The following FHIT variants were observed in gnomAD, a reference collection of about 807,000 sequenced individuals.
The protein encoded by FHIT is bis(5'-adenosyl)-triphosphatase.
Under a neutral mutation model 17.9 loss-of-function variants are expected in FHIT, and 19 were observed. The ratio of observed to expected loss-of-function variants is 1.06; its 90% CI spans 0.74 to 1.56. The LOEUF (loss-of-function observed/expected upper bound fraction) is 1.56. Ranked by LOEUF, FHIT falls within the 40% of genes most tolerant of loss-of-function variation. The pLI is 0.00. For missense variants in FHIT, 248 were observed against 189.2 expected (o/e 1.31, Z -1.82); for synonymous variants, 81 against 69.7 (o/e 1.16, Z -0.81).
At chr3:61,037,133 G>C (rs759223785) in intron 3 of FHIT, among the ~76,000 whole-genome samples, 7 of 151,988 alleles carry the variant, frequency 4.6e-5, no homozygotes, top group Non-Finnish European at 8.8e-5. Flanking sequence ...GGATGGTCTC[G>C]ATCTCCTGAC....
chr3:60,761,717 G>A (rs1418933013), intron 4 of FHIT, among the ~76,000 whole-genome samples: 1 of 150,026 alleles, frequency 6.7e-6, no homozygotes, highest in Non-Finnish European at 1.5e-5. Context: ...CAATGATAGT[G>A]AGACAGACTG....
intron 5 of FHIT, among the ~76,000 whole-genome samples, chr3:60,441,949 C>G (rs1485042105): frequency 6.7e-6 from 1 of 149,524 alleles, no homozygotes; most frequent in Non-Finnish European, 1.5e-5. Context: ...GCCTCAAACT[C>G]CTGGGCTCAA....
chr3:60,454,353 C>T (rs938669160), intron 5 of FHIT, among the ~76,000 whole-genome samples: 2 of 151,902 alleles, frequency 1.3e-5, no homozygotes, highest in Non-Finnish European at 2.9e-5. Context: ...ACAAATCCCA[C>T]AGCACCAAAA....
At chr3:60,130,112 C>G (rs1699473002) in intron 5 of FHIT, among the ~76,000 whole-genome samples, 1 of 152,004 alleles carries the variant, frequency 6.6e-6, no homozygotes, top group South Asian at 2.1e-4. Context: ...ATCAATTCTA[C>G]CGGAAAAAAG....
chr3:60,441,702 T>TTATA (rs10575692), intron 5 of FHIT, among the ~76,000 whole-genome samples: 1 of 82,960 alleles, frequency 1.2e-5, no homozygotes, highest in African/African-American at 3.9e-5. Flanking sequence ...CTGTAGGTAT[T>TTATA]TATATATATA....
chr3:61,068,348 T>C (rs2034685790), intron 2 of FHIT, among the ~76,000 whole-genome samples: 1 of 152,214 alleles, frequency 6.6e-6, no homozygotes, highest in East Asian at 1.9e-4. Context: ...AAGATCATTC[T>C]GAATTTCTAA....
At chr3:60,896,059 A>G (rs1705806005) in intron 3 of FHIT, among the ~76,000 whole-genome samples, 1 of 152,068 alleles carries the variant, frequency 6.6e-6, no homozygotes, top group Admixed American at 6.6e-5. Context: ...GGTCAGCTGC[A>G]TTAGATTCTC....
chr3:61,073,567 C>G (rs1394306408), intron 2 of FHIT, among the ~76,000 whole-genome samples: 1 of 152,102 alleles, frequency 6.6e-6, no homozygotes, highest in East Asian at 1.9e-4. Flanking sequence ...GGTCTAAGGT[C>G]TAAAAAATAT....
intron 5 of FHIT, among the ~76,000 whole-genome samples, chr3:60,402,626 C>G (rs896816895): frequency 6.6e-6 from 1 of 152,126 alleles, no homozygotes; most frequent in Non-Finnish European, 1.5e-5. Context: ...CTGACAGACA[C>G]CTGTTTGCAA....
rs1559698562 is a variant in FHIT at position 60,173,907 on chromosome 3, A to ATT, written c.104-159756_104-159755insAA. ...CTAATATATATATATATATATATAT[A>ATT]TATATATATGTTTTTTTTTTTTTTT... On this transcript the variant is annotated intron_variant, in intron 5 of 9. Coordinates refer to ENST00000492590, the MANE Select transcript of FHIT (RefSeq NM_002012.4). Among the ~76,000 whole-genome samples the ATT allele has an allele frequency of 1.1e-4, 8 of 73,354 alleles. 1 individual carries two copies. The highest frequency in any genetic ancestry group is 1.7e-4 in the Non-Finnish European group (7 of 40,022). The allele number at this position is 73,354 out of a possible 152,430, so 48.1% of individuals were successfully genotyped here. A position where few individuals can be genotyped will look rare whatever the true frequency, so the allele number is the denominator to read the frequency against.
intron 4 of FHIT, among the ~76,000 whole-genome samples, chr3:60,588,460 G>C (rs1278857680): frequency 2.0e-5 from 3 of 151,796 alleles, no homozygotes; most frequent in African/African-American, 7.3e-5. Context: ...AGGGGAAGGA[G>C]AAAGGGAGAA....
intron 4 of FHIT, among the ~76,000 whole-genome samples, chr3:60,643,650 T>C (rs911952735): frequency 6.6e-6 from 1 of 152,192 alleles, no homozygotes. Flanking sequence ...GTTTTAGATA[T>C]GTCAAAACTT....
At chr3:61,106,549 C>T (rs2035993781) in intron 2 of FHIT, among the ~76,000 whole-genome samples, 1 of 151,986 alleles carries the variant, frequency 6.6e-6, no homozygotes, top group South Asian at 2.1e-4. Context: ...TTTTAATAGA[C>T]AAATAAAAAT....
At chr3:60,982,135 C>A (rs1282909032) in intron 3 of FHIT, among the ~76,000 whole-genome samples, 1 of 152,228 alleles carries the variant, frequency 6.6e-6, no homozygotes, top group African/African-American at 2.4e-5. Context: ...TGGATCATGT[C>A]TTCCTAGACT....
intron 4 of FHIT, chr3:60,690,361 T>C (rs2107883659): frequency 3.5e-6 from 2 of 574,090 alleles, no homozygotes; most frequent in Non-Finnish European, 6.8e-6. Flanking sequence ...ATCCAACCAC[T>C]TGGTCTTGGC....
intron 8 of FHIT, among the ~76,000 whole-genome samples, chr3:59,862,706 C>G (rs1024402775): frequency 6.6e-6 from 1 of 152,168 alleles, no homozygotes; most frequent in Non-Finnish European, 1.5e-5. Context: ...CAGAAATCAC[C>G]ACTAGTGGAG....
At chr3:60,153,717 G>C (rs1174316544) in intron 5 of FHIT, among the ~76,000 whole-genome samples, 1 of 152,138 alleles carries the variant, frequency 6.6e-6, no homozygotes, top group Non-Finnish European at 1.5e-5. Flanking sequence ...GCAAATTTTA[G>C]GTCTGGCATT....
chr3:61,039,138 C>T (rs1257586087), intron 3 of FHIT, among the ~76,000 whole-genome samples: 3 of 152,034 alleles, frequency 2.0e-5, no homozygotes, highest in Non-Finnish European at 2.9e-5. Context: ...TACAATTGGC[C>T]GCAATTTCCA....
At chr3:60,529,007 C>T (rs2035673929) in intron 5 of FHIT, among the ~76,000 whole-genome samples, 1 of 152,164 alleles carries the variant, frequency 6.6e-6, no homozygotes, top group Non-Finnish European at 1.5e-5. Context: ...CAGATACAAG[C>T]TAAACCAAGG....
Sources: allele counts gnomAD v4.1 joint callset (sites outside exome capture counted in the v4.1 genomes callset), GRCh38; gene constraint gnomAD v4.1.1; transcripts MANE v1.5; gene names NCBI Gene and HGNC (gene_info 2026-07-23, HGNC 2026-07-21).